The following PTPRT variants were observed in gnomAD, a reference collection of about 807,000 sequenced individuals.
The protein encoded by PTPRT is receptor-type tyrosine-protein phosphatase T.
In PTPRT, 56 loss-of-function variants were observed where a neutral mutation model predicts 176.8. The ratio of observed to expected loss-of-function variants is 0.32; its 90% CI spans 0.26 to 0.40. The LOEUF (loss-of-function observed/expected upper bound fraction) is 0.40. PTPRT is among the 10% of genes least tolerant of loss of function. The pLI is 1.00. For missense variants in PTPRT, 1,540 were observed against 1,908.2 expected, an observed-to-expected ratio of 0.81 and a Z score of 3.60; for synonymous variants, 783 against 739.0, an observed-to-expected ratio of 1.06 and a Z score of -0.96.
At chr20:42,610,770 T>C (rs2073962566) in intron 7 of PTPRT, among the ~76,000 whole-genome samples, 2 of 152,224 alleles carry the variant, frequency 1.3e-5, no homozygotes, top group Non-Finnish European at 2.9e-5. Context: ...TATATTCACA[T>C]AGTTATGCAG....
At chr20:42,915,380 C>A (rs1978669158) in intron 1 of PTPRT, among the ~76,000 whole-genome samples, 1 of 152,222 alleles carries the variant, frequency 6.6e-6, no homozygotes, top group Non-Finnish European at 1.5e-5. Context: ...TGGCCCCCAG[C>A]AAGCTGCCTT....
At chr20:42,431,604 G>A (rs1371206375) in intron 9 of PTPRT, among the ~76,000 whole-genome samples, 2 of 152,160 alleles carry the variant, frequency 1.3e-5, no homozygotes, top group Non-Finnish European at 2.9e-5. Flanking sequence ...AGAGATTATA[G>A]GTGATCTTTT....
chr20:43,110,976 C>T (rs1373525621), intron 1 of PTPRT, among the ~76,000 whole-genome samples: 1 of 152,158 alleles, frequency 6.6e-6, no homozygotes, highest in Admixed American at 6.5e-5. Context: ...GGGAGAGAAA[C>T]TCAGACAACA....
At chr20:42,498,172 A>AC (rs1308629564) in intron 7 of PTPRT, among the ~76,000 whole-genome samples, 1 of 152,204 alleles carries the variant, frequency 6.6e-6, no homozygotes, top group African/African-American at 2.4e-5. Flanking sequence ...GGAAAGATGA[A>AC]CTGATCATAT....
intron 7 of PTPRT, among the ~76,000 whole-genome samples, chr20:42,557,362 T>C (rs1274917598): frequency 2.0e-5 from 3 of 152,122 alleles, no homozygotes; most frequent in East Asian, 1.9e-4. Flanking sequence ...TACCCCTTGC[T>C]CTGCAAAAAG....
chr20:42,130,831 G>A (rs1003205430), intron 18 of PTPRT, among the ~76,000 whole-genome samples: 1 of 152,162 alleles, frequency 6.6e-6, no homozygotes. Flanking sequence ...AATGTGACAT[G>A]GGGGAGGAGT....
intron 1 of PTPRT, among the ~76,000 whole-genome samples, chr20:42,941,991 T>TAA (rs879519310): frequency 2.1e-5 from 3 of 141,538 alleles, no homozygotes; most frequent in African/African-American, 7.8e-5. Context: ...TTCCTCCCAT[T>TAA]AAAAAAAAAA....
intron 1 of PTPRT, among the ~76,000 whole-genome samples, chr20:43,057,950 C>T (rs1444069200): frequency 6.6e-6 from 1 of 152,138 alleles, no homozygotes; most frequent in Non-Finnish European, 1.5e-5. Context: ...GTGCTTAGTA[C>T]ATAGAAAGCA....
intron 7 of PTPRT, among the ~76,000 whole-genome samples, chr20:42,542,602 T>C (rs969255127): frequency 2.6e-5 from 4 of 152,190 alleles, no homozygotes; most frequent in African/African-American, 9.6e-5. Flanking sequence ...GTAGAGAAGA[T>C]AATTGAACAA....
chr20:43,172,904 C>T (rs751243735), intron 1 of PTPRT, among the ~76,000 whole-genome samples: 11 of 135,866 alleles, frequency 8.1e-5, no homozygotes, highest in Non-Finnish European at 1.2e-4. Context: ...TGGAGTTTCA[C>T]TCTTGTTGCC....
At chr20:42,148,095 T>C (rs1240633033) in intron 17 of PTPRT, among the ~76,000 whole-genome samples, 1 of 152,150 alleles carries the variant, frequency 6.6e-6, no homozygotes, top group Admixed American at 6.5e-5. Context: ...CTAATCACAT[T>C]CTTTTGAAAC....
At chr20:42,565,151 C>A (rs2073017601) in intron 7 of PTPRT, among the ~76,000 whole-genome samples, 1 of 152,076 alleles carries the variant, frequency 6.6e-6, no homozygotes, top group Non-Finnish European at 1.5e-5. Context: ...TCCCTGGCTG[C>A]CCTTCACATC....
intron 1 of PTPRT, among the ~76,000 whole-genome samples, chr20:43,164,037 C>T (rs567090223): frequency 1.3e-5 from 2 of 152,238 alleles, no homozygotes; most frequent in African/African-American, 4.8e-5. Flanking sequence ...CATTTTCTTA[C>T]CCCCTGAGTG....
At chr20:42,537,264 C>T in intron 7 of PTPRT, among the ~76,000 whole-genome samples, 1 of 151,986 alleles carries the variant, frequency 6.6e-6, no homozygotes, top group South Asian at 2.1e-4. Context: ...GGAGAACAGC[C>T]ACGAGTTTAA....
intron 6 of PTPRT, among the ~76,000 whole-genome samples, chr20:42,741,230 T>G (rs935929931): frequency 1.3e-5 from 2 of 152,206 alleles, no homozygotes; most frequent in Admixed American, 6.5e-5. Context: ...TCTGTTGGCA[T>G]CATGGTTGAT....
At chr20:42,655,954 T>G (rs1216703914) in intron 7 of PTPRT, among the ~76,000 whole-genome samples, 1 of 152,024 alleles carries the variant, frequency 6.6e-6, no homozygotes, top group Non-Finnish European at 1.5e-5. Flanking sequence ...GTTTGTGTAA[T>G]GAAGAGAGAA....
intron 7 of PTPRT, among the ~76,000 whole-genome samples, chr20:42,637,205 G>A (rs1248724975): frequency 6.6e-6 from 1 of 152,134 alleles, no homozygotes; most frequent in Non-Finnish European, 1.5e-5. Flanking sequence ...TGCTGGTCAG[G>A]GAACTATGCT....
chr20:42,468,264 CT>C (rs1164307643), intron 8 of PTPRT, among the ~76,000 whole-genome samples: 2 of 152,214 alleles, frequency 1.3e-5, no homozygotes. Flanking sequence ...AGGTTGCTTG[CT>C]GGCTCCCGGA....
intron 1 of PTPRT, among the ~76,000 whole-genome samples, chr20:42,900,721 A>C (rs7265154): frequency 0.01 from 1,595 of 152,272 alleles, 26 homozygotes; most frequent in African/African-American, 0.036. Flanking sequence ...CAGGGCTTGC[A>C]TGTCTGACAT....
Sources: allele counts gnomAD v4.1 joint callset (sites outside exome capture counted in the v4.1 genomes callset), GRCh38; gene constraint gnomAD v4.1.1; transcripts MANE v1.5; gene names NCBI Gene and HGNC (gene_info 2026-07-23, HGNC 2026-07-21).